The following MPP4 variants were observed in gnomAD, a reference collection of about 807,000 sequenced individuals.
The protein encoded by MPP4 is MAGUK p55 subfamily member 4.
MPP4 carries 91 observed loss-of-function variants against 98.3 expected under a neutral mutation model. The observed-to-expected ratio is 0.93, with a 90% CI of 0.78 to 1.10. The LOEUF (loss-of-function observed/expected upper bound fraction) is 1.10. Ranked by LOEUF, MPP4 falls within the 50% of genes least tolerant of loss-of-function variation. The probability of loss-of-function intolerance (pLI) is 0.00; values close to 1 mark genes in which losing one functional copy is unlikely to be tolerated. For synonymous variants in MPP4, 261 were observed against 271.8 expected, an observed-to-expected ratio of 0.96 and a Z score of 0.39; for missense variants, 744 against 792.9, an observed-to-expected ratio of 0.94 and a Z score of 0.74.
intron 11 of MPP4, among the ~76,000 whole-genome samples, chr2:201,670,449 G>A (rs1480965909): frequency 6.6e-6 from 1 of 152,146 alleles, no homozygotes; most frequent in Non-Finnish European, 1.5e-5. Context: ...TAAGTCAGTG[G>A]CTCCAAACCT....
At chr2:201,693,389 A>T (rs992708261) in intron 2 of MPP4, among the ~76,000 whole-genome samples, 2 of 152,182 alleles carry the variant, frequency 1.3e-5, no homozygotes, top group African/African-American at 4.8e-5. Context: ...TCCCAAAATT[A>T]TCTACTTGTG....
chr2:201,683,003 C>T (rs1387332413), intron 7 of MPP4, 87 bp from the exon 8 acceptor site: 1 of 945,616 alleles, frequency 1.1e-6, no homozygotes, highest in African/African-American at 1.6e-5. Context: ...ATTTAACTCA[C>T]TAACCCAAGC....
At chr2:201,694,261 T>C (rs537129378) in intron 1 of MPP4, among the ~76,000 whole-genome samples, 33 of 152,290 alleles carry the variant, frequency 2.2e-4, no homozygotes, top group Admixed American at 1.7e-3. Flanking sequence ...AAGAATTGAT[T>C]TCCTAGAAAC....
chr2:201,680,728 A>T, intron 10 of MPP4, 110 bp downstream of exon 10: 1 of 933,642 alleles, frequency 1.1e-6, no homozygotes. Context: ...GTGTGTGTTC[A>T]TTCATCTGCT....
At chr2:201,664,050 A>G in intron 14 of MPP4, 31 bp downstream of exon 14, 1 of 1,443,928 alleles carries the variant, frequency 6.9e-7, no homozygotes, top group Non-Finnish European at 9.4e-7. Context: ...TACATTTAAA[A>G]ATCAGTACCA....
chr2:201,677,545 C>T (rs922228040), intron 10 of MPP4, among the ~76,000 whole-genome samples: 5 of 152,278 alleles, frequency 3.3e-5, no homozygotes, highest in South Asian at 2.1e-4. Flanking sequence ...AAACAAAACC[C>T]CCCCAGCTAC....
chr2:201,676,685 A>T (rs1688515736), intron 10 of MPP4, among the ~76,000 whole-genome samples: 1 of 152,212 alleles, frequency 6.6e-6, no homozygotes, highest in Non-Finnish European at 1.5e-5. Context: ...AGATCACCTG[A>T]GGTCAGGAGT....
chr2:201,646,956 CAT>C (rs1319718215), intron 21 of MPP4: 2 of 152,218 alleles, frequency 1.3e-5, no homozygotes, highest in East Asian at 1.9e-4. Flanking sequence ...TTTTACCACA[CAT>C]ATACACACAC....
At chr2:201,679,916 C>T (rs549876426) in intron 10 of MPP4, 2 of 152,366 alleles carry the variant, frequency 1.3e-5, no homozygotes, top group African/African-American at 4.8e-5. Context: ...ATTAAGATCA[C>T]TAATGACTGT....
rs1369444780 is a variant in MPP4, at chr2:201,660,331, C to T, written c.1087+1G>A. On this transcript the variant is annotated splice_donor_variant, in intron 15 of 21. Coordinates refer to ENST00000409474, the MANE Select transcript of MPP4 (RefSeq NM_033066.3). LOFTEE classifies it high-confidence loss of function. ...TATATCTAGGAAATAAAAACAATTA[C>T]CTTCTGAAAGTTCCTCTGGATATTT... 4.3e-6 allele frequency: 7 copies of T among 1,612,720 alleles called. No homozygotes were observed. In the African/African-American group the frequency reaches 5.3e-5, roughly 12 times the overall value.
intron 16 of MPP4, among the ~76,000 whole-genome samples, chr2:201,657,609 G>GTTT (rs745412884): frequency 9.0e-6 from 1 of 111,690 alleles, no homozygotes; most frequent in Non-Finnish European, 1.8e-5. Context: ...TTGTTTTTTT[G>GTTT]TTTTTTTTTG....
Position 201,645,152 on chromosome 2 carries a change from A to G in MPP4, c.*58T>C. 2 of 1,419,564 alleles carry G rather than the reference A, an allele frequency of 1.4e-6. No individual in the cohort carries two copies. The highest frequency in any genetic ancestry group is 2.4e-5 in the Admixed American group (1 of 42,146). 87.9% of individuals were successfully genotyped at this position (1,419,564 alleles called of 1,614,324 possible). A position where few individuals can be genotyped will look rare whatever the true frequency, so the allele number is the denominator to read the frequency against. On this transcript the variant is annotated 3_prime_UTR_variant, in exon 22 of 22. Transcript: ENST00000409474. ...TCAAATACTGTTGTTTTAGATTGCAACTATGGATCGCTGTATCAAGGGTAC... is the reference window on the plus strand; with the variant it reads ...TCAAATACTGTTGTTTTAGATTGCAGCTATGGATCGCTGTATCAAGGGTAC...
chr2:201,669,441 G>A (rs1317656621), intron 12 of MPP4, among the ~76,000 whole-genome samples: 2 of 152,056 alleles, frequency 1.3e-5, no homozygotes, highest in African/African-American at 2.4e-5. Flanking sequence ...CTTGCCATAC[G>A]CTATGTTAAA....
At chr2:201,656,166 G>C in intron 17 of MPP4, 32 bp downstream of exon 17, 1 of 1,556,808 alleles carries the variant, frequency 6.4e-7, no homozygotes, top group Non-Finnish European at 8.7e-7. Context: ...ACTTCTCAAG[G>C]AGGAGGAGAG....
chr2:201,681,188 C>G (rs1167912345), intron 9 of MPP4, among the ~76,000 whole-genome samples, 154 bp from the exon 10 acceptor site: 2 of 152,200 alleles, frequency 1.3e-5, no homozygotes, highest in Non-Finnish European at 2.9e-5. Context: ...AAAAGGAGAA[C>G]TCGCCTCCTG....
chr2:201,657,609 G>GTTTTTTTTTTT (rs745412884), intron 16 of MPP4, among the ~76,000 whole-genome samples: 1 of 111,690 alleles, frequency 9.0e-6, no homozygotes, highest in African/African-American at 3.3e-5. Flanking sequence ...TTGTTTTTTT[G>GTTTTTTTTTTT]TTTTTTTTTG....
chr2:201,664,403 G>T (rs1173213151), intron 13 of MPP4: 8 of 1,084,780 alleles, frequency 7.4e-6, no homozygotes, highest in Admixed American at 2.5e-5. Context: ...GAGGGAAGGG[G>T]AAAGTGGAAT....
chr2:201,678,111 C>A (rs1228534623), intron 10 of MPP4, among the ~76,000 whole-genome samples: 1 of 152,134 alleles, frequency 6.6e-6, no homozygotes, highest in Non-Finnish European at 1.5e-5. Flanking sequence ...ATTAGGTTTT[C>A]ACGTGGCAAT....
chr2:201,666,517 T>A lies in MPP4; in HGVS notation c.1013-145A>T, dbSNP rs1339605190. The A allele has an allele frequency of 2.5e-5, 14 of 552,648 alleles. No homozygotes were observed. In the Admixed American group the frequency reaches 3.6e-4, roughly 14 times the overall value. The allele number at this position is 552,648 out of a possible 1,614,324, so 34.2% of individuals were successfully genotyped here. A position where few individuals can be genotyped will look rare whatever the true frequency, so the allele number is the denominator to read the frequency against. On this transcript the variant is annotated intron_variant, in intron 12 of 21. Coordinates refer to ENST00000409474, the MANE Select transcript of MPP4 (RefSeq NM_033066.3). Reference sequence around the variant, plus strand: ...GGGCGGATCACCTGAGATCAAGAGTTCGAGACCAACTTGACCGACATGGTG... The same window carrying A: ...GGGCGGATCACCTGAGATCAAGAGTACGAGACCAACTTGACCGACATGGTG...
Sources: allele counts gnomAD v4.1 joint callset (sites outside exome capture counted in the v4.1 genomes callset), GRCh38; gene constraint gnomAD v4.1.1; transcripts MANE v1.5; gene names NCBI Gene and HGNC (gene_info 2026-07-23, HGNC 2026-07-21).